Variants in EPHA7 observed in about 807,000 individuals in gnomAD.
The protein encoded by EPHA7 is EPH receptor A7.
A neutral mutation model predicts 112.6 loss-of-function variants in EPHA7; 25 were observed. The ratio of observed to expected loss-of-function variants is 0.22; its 90% CI spans 0.16 to 0.31. The LOEUF (loss-of-function observed/expected upper bound fraction) is 0.31, where lower values mean the gene tolerates loss of function less well. Ranked by LOEUF, EPHA7 falls within the 10% of genes least tolerant of loss-of-function variation. The pLI is 1.00. For missense variants in EPHA7, 962 were observed against 1,212.6 expected (o/e 0.79, Z 3.07); for synonymous variants, 437 against 406.5 (o/e 1.07, Z -0.90).
At chr6:93,368,474 C>G (rs1008359584) in intron 3 of EPHA7, among the ~76,000 whole-genome samples, 2 of 151,976 alleles carry the variant, frequency 1.3e-5, no homozygotes, top group Non-Finnish European at 2.9e-5. Flanking sequence ...AATGAAGGAT[C>G]TGGCAATATA....
intron 5 of EPHA7, among the ~76,000 whole-genome samples, chr6:93,334,720 T>C (rs1774773564): frequency 6.6e-6 from 1 of 152,080 alleles, no homozygotes; most frequent in Non-Finnish European, 1.5e-5. Context: ...GGCTTTTCCA[T>C]GCATTATAAC....
chr6:93,255,685 A>G (rs1170618864), intron 13 of EPHA7, 143 bp downstream of exon 13: 1 of 672,562 alleles, frequency 1.5e-6, no homozygotes, highest in Admixed American at 2.9e-5. Flanking sequence ...AAAAACAAAA[A>G]ACAAAAAACA....
intron 5 of EPHA7, among the ~76,000 whole-genome samples, chr6:93,273,518 G>T (rs1771331307): frequency 6.6e-6 from 1 of 151,810 alleles, no homozygotes; most frequent in Non-Finnish European, 1.5e-5. Context: ...TTGTATCAAT[G>T]TCTAAAAACC....
intron 1 of EPHA7, among the ~76,000 whole-genome samples, chr6:93,417,032 G>C (rs376572695): frequency 1.2e-4 from 18 of 151,710 alleles, no homozygotes; most frequent in African/African-American, 3.9e-4. Flanking sequence ...GGGAAGAGGA[G>C]AGTGGCTTTC....
In EPHA7 at chr6:93,269,631, T is replaced by C; in HGVS notation, c.1479A>G (p.Val493=). The C allele has an allele frequency of 6.3e-7, 1 of 1,591,298 alleles. No individual in the cohort carries two copies. The highest frequency in any genetic ancestry group is 8.5e-7 in the Non-Finnish European group (1 of 1,170,260). The change falls in exon 7 of 17, where the codon GTA becomes GTG. Residue 493 remains valine, a synonymous_variant. Coordinates refer to ENST00000369303, the MANE Select transcript of EPHA7 (RefSeq NM_004440.4). ...KDQRERTYST[V]KTKSTSASIN... ...TGGAGGCTGAAGTAGACTTGGTTTT[T>C]ACTGTTGAGTAGGTCCGTTCCCTTT...
chr6:93,358,927 T>C (rs1421283918), intron 3 of EPHA7, among the ~76,000 whole-genome samples: 2 of 152,154 alleles, frequency 1.3e-5, no homozygotes, highest in Non-Finnish European at 2.9e-5. Context: ...CTGAAAATGA[T>C]AGAAATATAT....
chr6:93,327,620 T>C (rs1444797378), intron 5 of EPHA7, among the ~76,000 whole-genome samples: 1 of 151,478 alleles, frequency 6.6e-6, no homozygotes, highest in Non-Finnish European at 1.5e-5. Context: ...TTGCATAGGT[T>C]TAAAATACTC....
intron 3 of EPHA7, among the ~76,000 whole-genome samples, chr6:93,372,748 A>G (rs1315350506): frequency 6.6e-6 from 1 of 152,080 alleles, no homozygotes; most frequent in Non-Finnish European, 1.5e-5. Flanking sequence ...AAATGTGTTG[A>G]GTGACTAACT....
intron 3 of EPHA7, among the ~76,000 whole-genome samples, chr6:93,386,746 A>T (rs1406428065): frequency 1.3e-5 from 2 of 152,132 alleles, no homozygotes; most frequent in Non-Finnish European, 2.9e-5. Context: ...GAGGTTCCCA[A>T]ACCTCAATTC....
At chr6:93,302,884 G>A (rs947855486) in intron 5 of EPHA7, among the ~76,000 whole-genome samples, 2 of 152,054 alleles carry the variant, frequency 1.3e-5, no homozygotes, top group Non-Finnish European at 2.9e-5. Flanking sequence ...AGAAATACTC[G>A]CCTTTTTGCC....
intron 5 of EPHA7, among the ~76,000 whole-genome samples, chr6:93,313,879 A>T (rs930335661): frequency 6.6e-6 from 1 of 152,152 alleles, no homozygotes; most frequent in East Asian, 1.9e-4. Context: ...ACCATGGCCT[A>T]GTACTAACTG....
intron 12 of EPHA7, 101 bp from the exon 13 acceptor site, chr6:93,256,138 A>G: frequency 9.9e-7 from 1 of 1,010,544 alleles, no homozygotes; most frequent in East Asian, 2.6e-5. Context: ...GCTATTGTAT[A>G]ATAGGAATTG....
chr6:93,281,593 C>T (rs552855773), intron 5 of EPHA7, among the ~76,000 whole-genome samples: 2 of 152,286 alleles, frequency 1.3e-5, no homozygotes, highest in South Asian at 2.1e-4. Flanking sequence ...CGCACACACA[C>T]AAACACACAC....
chr6:93,363,601 T>A (rs1040072753), intron 3 of EPHA7, among the ~76,000 whole-genome samples: 2 of 152,140 alleles, frequency 1.3e-5, no homozygotes, highest in Non-Finnish European at 2.9e-5. Flanking sequence ...AGAACTCTCC[T>A]ACACTGCTTG....
intron 3 of EPHA7, among the ~76,000 whole-genome samples, chr6:93,391,981 T>C (rs1180579226): frequency 4.6e-5 from 7 of 152,006 alleles, no homozygotes; most frequent in Admixed American, 3.9e-4. Flanking sequence ...AGACTCAATT[T>C]CCTTAAATAA....
Position 93,242,486 on chromosome 6 carries a change from GATTA to G in EPHA7, c.*936_*939del, listed in dbSNP as rs1164534123. 2 of 198,236 alleles carry G rather than the reference GATTA, an allele frequency of 1.0e-5. No homozygotes were observed. Among genetic ancestry groups the G allele is most frequent in the African/African-American group, 2.3e-5 (1 of 43,424 alleles). 12.3% of individuals were successfully genotyped at this position (198,236 alleles called of 1,614,324 possible). On this transcript the variant is annotated 3_prime_UTR_variant, in exon 17 of 17. Transcript: ENST00000369303. ...GAATGAAAAAATCTTGATGTGCTCA[GATTA>G]ATTTTTAGATAACACTGGATAGTTC...
At chr6:93,416,173 A>T (rs651819) in intron 1 of EPHA7, among the ~76,000 whole-genome samples, 91,151 of 151,998 alleles carry the variant, frequency 0.6, 29,605 homozygotes, top group African/African-American at 0.86. Context: ...TGCCAATTTG[A>T]ATTTCAACTT....
intron 3 of EPHA7, among the ~76,000 whole-genome samples, chr6:93,361,421 A>G (rs1776255816): frequency 6.6e-6 from 1 of 152,116 alleles, no homozygotes; most frequent in Non-Finnish European, 1.5e-5. Context: ...TACTGGGTGG[A>G]AAAAGCTTGG....
intron 5 of EPHA7, among the ~76,000 whole-genome samples, chr6:93,327,350 T>C (rs1231361617): frequency 6.6e-6 from 1 of 151,586 alleles, no homozygotes; most frequent in Admixed American, 6.6e-5. Flanking sequence ...TCCAGTGCCC[T>C]GGCACTCACA....
Sources: allele counts gnomAD v4.1 joint callset (sites outside exome capture counted in the v4.1 genomes callset), GRCh38; gene constraint gnomAD v4.1.1; transcripts MANE v1.5; gene names NCBI Gene and HGNC (gene_info 2026-07-23, HGNC 2026-07-21).